Variants in CACNG8 observed in about 807,000 individuals in gnomAD.
The protein encoded by CACNG8 is calcium voltage-gated channel auxiliary subunit gamma 8, also known as voltage-dependent calcium channel gamma-8 subunit.
CACNG8 carries 5 observed loss-of-function variants against 26.9 expected under a neutral mutation model. The observed-to-expected ratio is 0.19, with a 90% confidence interval of 0.10 to 0.39. The LOEUF (loss-of-function observed/expected upper bound fraction) is 0.39, where lower values mean the gene tolerates loss of function less well. CACNG8 is among the 10% of genes least tolerant of loss of function. The pLI is 1.00. For synonymous variants in CACNG8, 321 were observed against 296.7 expected, an observed-to-expected ratio of 1.08 and a Z score of -0.84; for missense variants, 473 against 609.4, an observed-to-expected ratio of 0.78 and a Z score of 2.36.
At chr19:53,976,376 C>T (rs574395291) in intron 1 of CACNG8, among the ~76,000 whole-genome samples, 3 of 152,112 alleles carry the variant, frequency 2.0e-5, no homozygotes, top group East Asian at 3.9e-4. Context: ...AAAATGGAGA[C>T]GTTCCAATAC....
At chr19:53,966,760 T>C (rs2069274427) in intron 1 of CACNG8, among the ~76,000 whole-genome samples, 1 of 152,176 alleles carries the variant, frequency 6.6e-6, no homozygotes, top group Non-Finnish European at 1.5e-5. Context: ...CGTTGAAGGT[T>C]CTTGAGCAGA....
intron 2 of CACNG8, among the ~76,000 whole-genome samples, chr19:53,979,214 G>T (rs894610253): frequency 1.6e-4 from 22 of 138,600 alleles, no homozygotes; most frequent in African/African-American, 5.2e-4. Context: ...GGTGGGGGGG[G>T]ACCTATGAAG....
chr19:53,982,291 G>A lies in CACNG8; in HGVS notation c.720G>A (p.Ser240=). The A allele has an allele frequency of 1.2e-6, 2 of 1,609,922 alleles. No homozygotes were observed. The highest frequency in any genetic ancestry group is 1.7e-6 in the Non-Finnish European group (2 of 1,178,648). ...GCGAGGCGCACTGCCAGTCTCGCTC[G>A]GACCTGCTCAAGGCCGGCGGGGGCG... The change falls in exon 4 of 4, where the codon TCG becomes TCA. Residue 240 remains serine (S), a synonymous_variant. Transcript: ENST00000270458. The surrounding 1 kb of genome is among the most constrained non-coding windows in gnomAD (Gnocchi z 8.4).
intron 2 of CACNG8, 75 bp downstream of exon 2, chr19:53,978,304 G>A (rs2069342262): frequency 3.3e-6 from 4 of 1,198,166 alleles, no homozygotes; most frequent in African/African-American, 1.5e-5. Flanking sequence ...GTGGGTGCCG[G>A]GAAAAGGCAC....
intron 1 of CACNG8, among the ~76,000 whole-genome samples, chr19:53,969,668 C>T (rs957918836): frequency 3.3e-5 from 5 of 150,270 alleles, no homozygotes; most frequent in African/African-American, 1.2e-4. Flanking sequence ...ACGGGGTCCC[C>T]CTGAGTCATT....
chr19:53,967,713 T>C (rs534290602), intron 1 of CACNG8, among the ~76,000 whole-genome samples: 59 of 152,188 alleles, frequency 3.9e-4, no homozygotes, highest in African/African-American at 1.4e-3. Flanking sequence ...CACGCGCCTG[T>C]AGTCCCAGCT....
intron 1 of CACNG8, among the ~76,000 whole-genome samples, chr19:53,964,903 C>G (rs2069263781): frequency 6.6e-6 from 1 of 152,176 alleles, no homozygotes; most frequent in African/African-American, 2.4e-5. Context: ...CCTGATGCCC[C>G]CTTCGGCCAA....
intron 1 of CACNG8, among the ~76,000 whole-genome samples, chr19:53,967,783 C>T (rs572679492): frequency 1.3e-5 from 2 of 151,960 alleles, no homozygotes; most frequent in African/African-American, 4.8e-5. Context: ...TGCAGTGAGC[C>T]GAGATCGCAT....
rs2069432169 is a variant in CACNG8, at chr19:53,989,976, C to G, written c.*7127C>G. ...AGAGAGGCCCAGCGTGCACCAGAGC[C>G]TCGCTCAGGTCAGCGCCAGGCCTGC... On this transcript the variant is annotated 3_prime_UTR_variant, in exon 4 of 4. Transcript: ENST00000270458. The G allele has an allele frequency of 6.6e-6, 1 of 152,548 alleles. No individual in the cohort carries two copies. The highest frequency in any genetic ancestry group is 1.5e-5 in the Non-Finnish European group (1 of 68,252). The allele number at this position is 152,548 out of a possible 1,614,324, so 9.4% of individuals were successfully genotyped here.
intron 1 of CACNG8, among the ~76,000 whole-genome samples, chr19:53,966,373 C>A (rs2069272511): frequency 6.6e-6 from 1 of 152,080 alleles, no homozygotes; most frequent in African/African-American, 2.4e-5. Flanking sequence ...CAGATGTGAG[C>A]CACCATGCCT....
At chr19:53,973,390 G>A (rs1053008303) in intron 1 of CACNG8, among the ~76,000 whole-genome samples, 1 of 152,024 alleles carries the variant, frequency 6.6e-6, no homozygotes, top group African/African-American at 2.4e-5. Flanking sequence ...AGGGGTGGTG[G>A]CAGGTGCCCG....
Position 53,982,372 on chromosome 19 carries a change from C to T in CACNG8, c.801C>T (p.Arg267=). 6.5e-7 allele frequency: 1 copy of T among 1,532,628 alleles called. No individual in the cohort carries two copies. The highest frequency in any genetic ancestry group is 8.7e-7 in the Non-Finnish European group (1 of 1,144,980). 94.9% of individuals were successfully genotyped at this position (1,532,628 alleles called of 1,614,324 possible). ...CCATCCTCCGTCTGCCCAGTTACCG[C>T]TTCCGCTACCGCCGCCGCTCCCGCT... The change falls in exon 4 of 4, where the codon CGC becomes CGT. Residue 267 remains arginine, a synonymous_variant. Coordinates refer to ENST00000270458, the MANE Select transcript of CACNG8 (RefSeq NM_031895.6). The surrounding 1 kb of genome is among the most constrained non-coding windows in gnomAD (Gnocchi z 8.4).
intron 1 of CACNG8, among the ~76,000 whole-genome samples, chr19:53,977,910 A>C (rs1404197515): frequency 6.6e-6 from 1 of 152,100 alleles, no homozygotes; most frequent in East Asian, 1.9e-4. Context: ...AGGATGTTAG[A>C]CTTTGGGTTT....
chr19:53,968,491 C>G (rs574076134), intron 1 of CACNG8, among the ~76,000 whole-genome samples: 1 of 151,382 alleles, frequency 6.6e-6, no homozygotes, highest in Non-Finnish European at 1.5e-5. Flanking sequence ...GGGAGATGGC[C>G]GGGCGCGGTG....
At chr19:53,965,412 G>A (rs1179536676) in intron 1 of CACNG8, among the ~76,000 whole-genome samples, 3 of 151,870 alleles carry the variant, frequency 2.0e-5, no homozygotes, top group Admixed American at 1.3e-4. Context: ...TTCCTCCCAC[G>A]GCTCTCGTGA....
chr19:53,980,049 G>T, intron 3 of CACNG8, 42 bp downstream of exon 3: 1 of 1,557,890 alleles, frequency 6.4e-7, no homozygotes, highest in Non-Finnish European at 8.7e-7. Flanking sequence ...GGCCCACCTG[G>T]GCGCGCACGT....
intron 1 of CACNG8, among the ~76,000 whole-genome samples, chr19:53,977,785 T>C (rs545912831): frequency 6.6e-6 from 1 of 152,314 alleles, no homozygotes; most frequent in East Asian, 1.9e-4. Context: ...TTGCTATTAT[T>C]GAAGCCAACA....
rs2069279533 is a variant in CACNG8 at position 53,967,749 on chromosome 19, C to G, written c.283+4324C>G. 2.0e-5 allele frequency among the ~76,000 whole-genome samples: 3 copies of G among 152,220 alleles called. No homozygotes were observed. The South Asian group carries it at 6.2e-4, about 32-fold the overall frequency. On this transcript the variant is annotated intron_variant, in intron 1 of 3. Coordinates refer to ENST00000270458, the MANE Select transcript of CACNG8 (RefSeq NM_031895.6). ...ACTTGGTAGGCTGAGGCAGGAGAAT[C>G]GCTTGAACCCAGGAGGTGGAGGTTG...
At chr19:53,965,914 G>C (rs957624109) in intron 1 of CACNG8, among the ~76,000 whole-genome samples, 7 of 152,166 alleles carry the variant, frequency 4.6e-5, no homozygotes, top group African/African-American at 1.7e-4. Flanking sequence ...TCAGACTGTA[G>C]GAATAGCAGG....
Sources: allele counts gnomAD v4.1 joint callset (sites outside exome capture counted in the v4.1 genomes callset), GRCh38; gene constraint gnomAD v4.1.1; non-coding constraint Gnocchi (gnomAD v3.1); transcripts MANE v1.5; gene names NCBI Gene and HGNC (gene_info 2026-07-23, HGNC 2026-07-21).